Variants in CWH43 observed in about 807,000 individuals in gnomAD.
The protein encoded by CWH43 is cell wall biogenesis 43 C-terminal homolog.
In CWH43, 91 loss-of-function variants were observed where a neutral mutation model predicts 85.7. That is an observed-to-expected ratio of 1.06 (90% CI 0.90 to 1.26). The LOEUF (loss-of-function observed/expected upper bound fraction) is 1.26, where lower values mean the gene tolerates loss of function less well. Among genes scored for constraint, CWH43 ranks in the 50% most tolerant of loss-of-function variants. The probability of loss-of-function intolerance (pLI) is 0.00; values close to 1 mark genes in which losing one functional copy is unlikely to be tolerated. For synonymous variants in CWH43, 323 were observed against 293.6 expected, an observed-to-expected ratio of 1.10 and a Z score of -1.02; for missense variants, 869 against 839.2, an observed-to-expected ratio of 1.04 and a Z score of -0.44.
In CWH43 at chr4:48,988,615, G is replaced by T. The variant is rs781159033; in HGVS notation, c.182G>T (p.Trp61Leu). 4 of 1,612,940 alleles carry T rather than the reference G, an allele frequency of 2.5e-6. No individual in the cohort carries two copies. The highest frequency in any genetic ancestry group is 2.5e-6 in the Non-Finnish European group (3 of 1,179,450). The change falls in exon 2 of 16, where the codon TGG becomes TTG. Residue 61 changes from tryptophan (W) to leucine (L), a missense_variant. Coordinates refer to ENST00000226432, the MANE Select transcript of CWH43 (RefSeq NM_025087.3). ...SPIFLTITPF[W>L]KLVNKKWMLT... Reference sequence around the variant, plus strand: ...ATATTCCTAACAATTACTCCTTTCTGGAAATTGGTTAACAAGAAGTGGATG... The same window carrying T: ...ATATTCCTAACAATTACTCCTTTCTTGAAATTGGTTAACAAGAAGTGGATG...
At chr4:49,040,550 A>C (rs568849595) in intron 13 of CWH43, among the ~76,000 whole-genome samples, 13 of 152,250 alleles carry the variant, frequency 8.5e-5, no homozygotes, top group African/African-American at 3.1e-4. Flanking sequence ...TCTTTTGAGA[A>C]GTGTCTGTTC....
At position 49,003,550 on chromosome 4, in the gene CWH43, G is replaced by A. The variant is rs1231904357; in HGVS notation, c.803-185G>A. ...CTAGATCCACATTCTACCTCCAGTTGAGACAATAACTGGCTGTGTGACATT... is the reference window on the plus strand; with the variant it reads ...CTAGATCCACATTCTACCTCCAGTTAAGACAATAACTGGCTGTGTGACATT... On this transcript the variant is annotated intron_variant, in intron 6 of 15. Transcript: ENST00000226432. 5.1e-6 allele frequency: 3 copies of A among 589,256 alleles called. No individual in the cohort carries two copies. In the African/African-American group the frequency reaches 5.5e-5, roughly 11 times the overall value. 36.5% of individuals were successfully genotyped at this position (589,256 alleles called of 1,614,324 possible). A position where few individuals can be genotyped will look rare whatever the true frequency, so the allele number is the denominator to read the frequency against.
chr4:49,017,058 A>C (rs1783571922), intron 8 of CWH43, 191 bp from the exon 9 acceptor site: 1 of 735,908 alleles, frequency 1.4e-6, no homozygotes, highest in Admixed American at 2.0e-5. Context: ...GTCGGCTGGC[A>C]CCTTGGTCAC....
chr4:49,019,911 G>C (rs1379163269), intron 9 of CWH43, among the ~76,000 whole-genome samples: 3 of 151,922 alleles, frequency 2.0e-5, no homozygotes, highest in Non-Finnish European at 4.4e-5. Flanking sequence ...GGTGGTTTTT[G>C]GTTATGTGGA....
rs994483664 is a variant in CWH43, at chr4:48,988,638, A to G, written c.205A>G (p.Met69Val). ...CTGGAAATTGGTTAACAAGAAGTGGATGCTAACCCTGCTGAGGATAATCAC... is the reference window on the plus strand; with the variant it reads ...CTGGAAATTGGTTAACAAGAAGTGGGTGCTAACCCTGCTGAGGATAATCAC... ...PFWKLVNKKW[M>V]LTLLRIITIG... The change falls in exon 2 of 16, where the codon ATG becomes GTG. Residue 69 changes from methionine (M) to valine (V), a missense_variant. Met to Val is a conservative substitution (Grantham distance 21, BLOSUM62 1). This residue lies in a region of CWH43 where 140 missense variants were observed against 122.6 expected (regional missense o/e 1.14). Coordinates refer to ENST00000226432, the MANE Select transcript of CWH43 (RefSeq NM_025087.3). 1 of 1,611,228 alleles carries G rather than the reference A, an allele frequency of 6.2e-7. No homozygotes were observed. Among genetic ancestry groups the G allele is most frequent in the Non-Finnish European group, 8.5e-7 (1 of 1,178,506 alleles).
chr4:49,061,596 C>T (rs953712740), intron 15 of CWH43, among the ~76,000 whole-genome samples: 2 of 152,084 alleles, frequency 1.3e-5, no homozygotes, highest in African/African-American at 2.4e-5. Flanking sequence ...CAATGCTAGC[C>T]AATAATTCTT....
chr4:49,044,232 T>C (rs1784552282), intron 13 of CWH43, among the ~76,000 whole-genome samples: 1 of 152,308 alleles, frequency 6.6e-6, no homozygotes, highest in East Asian at 1.9e-4. Flanking sequence ...TCAAAAAGAC[T>C]CATGATTGCT....
Position 49,038,150 on chromosome 4 carries a change from T to C in CWH43, c.1773T>C (p.Tyr591=). The change falls in exon 13 of 16, where the codon TAT becomes TAC. Residue 591 remains tyrosine (Y), a synonymous_variant. Coordinates refer to ENST00000226432, the MANE Select transcript of CWH43 (RefSeq NM_025087.3). ...YITSAPGSRD[Y]LQLTEHGNVK... is the part of the protein sequence containing the mutation. ...CTTCAGCACCTGGCTCCAGAGATTA[T>C]CTACAGCTCACTGAACATGGCAATG... 2 of 1,607,382 alleles carry C rather than the reference T, an allele frequency of 1.2e-6. No individual in the cohort carries two copies. Among genetic ancestry groups the C allele is most frequent in the South Asian group, 2.2e-5 (2 of 89,436 alleles).
chr4:49,058,586 A>G (rs1785040295), intron 15 of CWH43, among the ~76,000 whole-genome samples: 1 of 152,182 alleles, frequency 6.6e-6, no homozygotes, highest in Admixed American at 6.5e-5. Context: ...ATATGTGTTC[A>G]CATTTTTAAT....
intron 9 of CWH43, among the ~76,000 whole-genome samples, chr4:49,027,461 T>G (rs560312494): frequency 2.0e-5 from 3 of 152,320 alleles, no homozygotes; most frequent in African/African-American, 7.2e-5. Context: ...AAATATAATA[T>G]GTCTCTTGAA....
intron 8 of CWH43, among the ~76,000 whole-genome samples, 185 bp downstream of exon 8, chr4:49,007,511 A>G (rs965762948): frequency 6.6e-6 from 1 of 152,174 alleles, no homozygotes; most frequent in Non-Finnish European, 1.5e-5. Context: ...GTTCTAGGGT[A>G]CATGTGCACA....
chr4:49,052,024 C>A (rs1347837115), intron 15 of CWH43, among the ~76,000 whole-genome samples: 1 of 152,196 alleles, frequency 6.6e-6, no homozygotes, highest in African/African-American at 2.4e-5. Context: ...TATTATTTGA[C>A]ATTTCTACCG....
chr4:49,044,971 A>C (rs995263746), intron 14 of CWH43, 124 bp downstream of exon 14: 2 of 688,400 alleles, frequency 2.9e-6, no homozygotes, highest in Non-Finnish European at 5.0e-6. Flanking sequence ...AAAAGCAATC[A>C]ATGTTTATAA....
At chr4:49,013,127 C>A (rs564693804) in intron 8 of CWH43, among the ~76,000 whole-genome samples, 5 of 152,360 alleles carry the variant, frequency 3.3e-5, no homozygotes, top group African/African-American at 1.2e-4. Flanking sequence ...GTAGACCTTG[C>A]TGAGCTGTGG....
intron 8 of CWH43, among the ~76,000 whole-genome samples, chr4:49,008,090 A>G (rs2109768416): frequency 6.6e-6 from 1 of 152,358 alleles, no homozygotes; most frequent in Non-Finnish European, 1.5e-5. Context: ...TCCCACCAAC[A>G]GTATAAAAGC....
Position 49,038,169 on chromosome 4 carries a change from GGC to G in CWH43, c.1793_1794del (p.Gly598GlufsTer9), listed in dbSNP as rs772121879. 3.8e-6 allele frequency: 6 copies of G among 1,574,756 alleles called. No individual in the cohort carries two copies. The highest frequency in any genetic ancestry group is 4.3e-6 in the Non-Finnish European group (5 of 1,161,782). On this transcript the variant is annotated frameshift_variant, in exon 13 of 16. Coordinates refer to ENST00000226432, the MANE Select transcript of CWH43 (RefSeq NM_025087.3). LOFTEE classifies it high-confidence loss of function. The stretch of plus-strand genomic sequence containing the variant: ...AGATTATCTACAGCTCACTGAACAT[GGC>G]AATGTGAAGGTAACATAATCTTAAT... ...SRDYLQLTEH[G>X]NVKDIDSTDH...
intron 9 of CWH43, among the ~76,000 whole-genome samples, chr4:49,018,661 A>T (rs1197010400): frequency 6.6e-6 from 1 of 152,228 alleles, no homozygotes; most frequent in Admixed American, 6.5e-5. Context: ...ATCTGATCTG[A>T]TAAAAAATCT....
At chr4:49,014,313 TGTG>T in intron 8 of CWH43, among the ~76,000 whole-genome samples, 1 of 152,078 alleles carries the variant, frequency 6.6e-6, no homozygotes, top group East Asian at 1.9e-4. Context: ...ATCAGCCATT[TGTG>T]GTGGTGCACC....
At chr4:49,036,837 G>A (rs969300209) in intron 12 of CWH43, among the ~76,000 whole-genome samples, 3 of 152,162 alleles carry the variant, frequency 2.0e-5, no homozygotes, top group Non-Finnish European at 4.4e-5. Flanking sequence ...GGGAGGAGCT[G>A]AGTCTCTTCT....
Sources: allele counts gnomAD v4.1 joint callset (sites outside exome capture counted in the v4.1 genomes callset), GRCh38; gene constraint gnomAD v4.1.1; regional missense constraint gnomAD v4.1.1; transcripts MANE v1.5; gene names NCBI Gene and HGNC (gene_info 2026-07-23, HGNC 2026-07-21).